The following AVEN variants were observed in gnomAD, a reference collection of about 807,000 sequenced individuals.
AVEN encodes the protein apoptosis and caspase activation inhibitor, also known as cell death regulator Aven.
AVEN carries 41 observed loss-of-function variants against 38.1 expected under a neutral mutation model. That is an observed-to-expected ratio of 1.08 (90% confidence interval 0.84 to 1.40). The LOEUF (loss-of-function observed/expected upper bound fraction) is 1.40, where lower values mean the gene tolerates loss of function less well. AVEN is among the 40% of genes most tolerant of loss of function. The pLI is 0.00. For synonymous variants in AVEN, 206 were observed against 171.8 expected (o/e 1.20, Z -1.56); for missense variants, 605 against 438.8 (o/e 1.38, Z -3.38).
At chr15:34,020,708 A>C (rs1023507247) in intron 1 of AVEN, among the ~76,000 whole-genome samples, 1 of 152,220 alleles carries the variant, frequency 6.6e-6, no homozygotes, top group Non-Finnish European at 1.5e-5. Flanking sequence ...CCTTGACTGA[A>C]TTACGACCTT....
In AVEN at chr15:34,064,305, A is replaced by C. The variant is rs763340823; in HGVS notation, n.1127-873T>G. The C allele has an allele frequency of 1.9e-6, 3 of 1,612,076 alleles. No homozygotes were observed. The African/African-American group carries it at 4.0e-5, about 22-fold the overall frequency. On this transcript the variant is annotated intron_variant and non_coding_transcript_variant, in intron 4 of 11. Transcript: ENST00000675287. Reference sequence around the variant, plus strand: ...GAAGTTGTACTGGCAGGGGAACAGCAAGCTACCCTGAAAAGTCAACAACTC... The same window carrying C: ...GAAGTTGTACTGGCAGGGGAACAGCCAGCTACCCTGAAAAGTCAACAACTC...
chr15:33,879,851 G>A (rs994966117), intron 2 of AVEN, among the ~76,000 whole-genome samples: 2 of 152,074 alleles, frequency 1.3e-5, no homozygotes, highest in African/African-American at 4.8e-5. Flanking sequence ...TCTGTATTAT[G>A]TAATGTCTAT....
intron 2 of AVEN, among the ~76,000 whole-genome samples, chr15:33,978,436 G>T (rs1039272602): frequency 2.6e-5 from 4 of 152,154 alleles, no homozygotes; most frequent in African/African-American, 9.7e-5. Context: ...GCCCGAGGTG[G>T]GAGGATCACC....
chr15:33,862,694 T>C (rs902824051), downstream of AVEN, among the ~76,000 whole-genome samples: 1 of 151,632 alleles, frequency 6.6e-6, no homozygotes, highest in Non-Finnish European at 1.5e-5. Flanking sequence ...CACTGTAGCC[T>C]CCACCTCCTG....
chr15:33,859,566 C>A, intron 11 of AVEN: 2 of 1,612,748 alleles, frequency 1.2e-6, no homozygotes, highest in Non-Finnish European at 1.7e-6. Context: ...CCTTATTTTT[C>A]TTCTCTAGTG....
chr15:34,040,303 A>G (rs1899415744), upstream of AVEN, among the ~76,000 whole-genome samples: 1 of 152,198 alleles, frequency 6.6e-6, no homozygotes, highest in Non-Finnish European at 1.5e-5. Context: ...TCCAAAGAAG[A>G]AAAGTTAAAT....
At chr15:33,858,035 C>T, downstream of AVEN, 1 of 1,274,264 alleles carries the variant, frequency 7.8e-7, no homozygotes, top group Non-Finnish European at 1.1e-6. Flanking sequence ...AGTTACAGAG[C>T]ACAGCAGAGA....
intron 2 of AVEN, among the ~76,000 whole-genome samples, chr15:33,993,204 G>A (rs192800632): frequency 2.6e-5 from 4 of 152,132 alleles, no homozygotes; most frequent in South Asian, 2.1e-4. Flanking sequence ...TACTTTTTAC[G>A]TTTGAAGGTA....
Position 33,875,993 on chromosome 15 carries a change from C to A in AVEN, c.448G>T (p.Asp150Tyr). The change falls in exon 3 of 6, where the codon GAC becomes TAC. Residue 150 changes from aspartate to tyrosine, a missense_variant and splice_region_variant. Physicochemically the swap from Asp to Tyr is radical, Grantham distance 160. Transcript: ENST00000306730. ...GCAAACCGGAACTGTGAGAATGAGT[C>A]CCCTAGGAATAGGAAAAAAAAAAAA... is the stretch of plus-strand genomic sequence containing the variant. ...DFSVLLSSAG[D>Y]SFSQFRFAEE... is the part of the protein sequence containing the mutation. The A allele has an allele frequency of 6.2e-7, 1 of 1,611,332 alleles. No homozygotes were observed. The highest frequency in any genetic ancestry group is 8.5e-7 in the Non-Finnish European group (1 of 1,179,564).
chr15:33,857,377 TTTC>T (rs1382193745), downstream of AVEN, among the ~76,000 whole-genome samples: 5 of 151,580 alleles, frequency 3.3e-5, no homozygotes, highest in Non-Finnish European at 1.5e-5. Context: ...TCCAACTCCT[TTTC>T]TTCTAAGGAT....
chr15:34,044,518 A>T (rs1310981822), intron 5 of AVEN, among the ~76,000 whole-genome samples: 1 of 152,170 alleles, frequency 6.6e-6, no homozygotes, highest in Non-Finnish European at 1.5e-5. Context: ...GTACCTCCAG[A>T]TTCTCACATA....
At chr15:33,873,530 T>G (rs1419047746) in intron 3 of AVEN, among the ~76,000 whole-genome samples, 1 of 148,140 alleles carries the variant, frequency 6.8e-6, no homozygotes, top group Non-Finnish European at 1.5e-5. Flanking sequence ...ATATAATATA[T>G]ATTATATATA....
At chr15:34,040,805 T>A (rs1483861040), upstream of AVEN, among the ~76,000 whole-genome samples, 3 of 151,704 alleles carry the variant, frequency 2.0e-5, no homozygotes, top group Non-Finnish European at 1.5e-5. Flanking sequence ...ATAGTCCCAC[T>A]ACTTGGGAGG....
intron 2 of AVEN, among the ~76,000 whole-genome samples, chr15:33,992,515 T>C (rs1334650414): frequency 6.6e-6 from 1 of 152,260 alleles, no homozygotes; most frequent in East Asian, 1.9e-4. Flanking sequence ...AAAATTTTTT[T>C]AGCCCTGTCA....
At position 34,063,994 on chromosome 15, in the gene AVEN, T is replaced by G; in HGVS notation, n.1127-562A>C. On this transcript the variant is annotated intron_variant and non_coding_transcript_variant, in intron 4 of 11. Coordinates refer to the AVEN transcript ENST00000675287. The surrounding 1 kb of genome is among the most constrained non-coding windows in gnomAD (Gnocchi z 4.1). ...CTCAATCCCAACCCCAGCCATCAAATGACCAAACGAAAGAGAGTGGTCCTA... is the reference window on the plus strand; with the variant it reads ...CTCAATCCCAACCCCAGCCATCAAAGGACCAAACGAAAGAGAGTGGTCCTA... The G allele has an allele frequency of 6.2e-7, 1 of 1,614,164 alleles. No individual in the cohort carries two copies. Among genetic ancestry groups the G allele is most frequent in the Non-Finnish European group, 8.5e-7 (1 of 1,180,022 alleles).
chr15:33,865,242 G>T (rs372234513), downstream of AVEN: 89 of 1,551,790 alleles, frequency 5.7e-5, no homozygotes, highest in Non-Finnish European at 7.7e-5. Flanking sequence ...AATCAAAGAA[G>T]CGCGACAATT....
intron 2 of AVEN, among the ~76,000 whole-genome samples, chr15:33,971,667 A>G (rs1187860295): frequency 6.6e-6 from 1 of 152,114 alleles, no homozygotes; most frequent in African/African-American, 2.4e-5. Context: ...CATTAAATAT[A>G]TATTTACTTA....
At chr15:33,929,426 G>C (rs1893754059) in intron 2 of AVEN, among the ~76,000 whole-genome samples, 1 of 152,284 alleles carries the variant, frequency 6.6e-6, no homozygotes, top group Admixed American at 6.5e-5. Flanking sequence ...CAACTGATAG[G>C]ACTAGGGCCA....
intron 2 of AVEN, among the ~76,000 whole-genome samples, chr15:33,886,914 G>C (rs988192167): frequency 6.6e-6 from 1 of 152,150 alleles, no homozygotes; most frequent in South Asian, 2.1e-4. Context: ...ATGAGAACCA[G>C]AGCTCCTGCT....
Sources: gnomAD v4.1 joint callset for allele counts (sites outside exome capture counted in the v4.1 genomes callset) on GRCh38, gnomAD v4.1.1 for gene constraint, Gnocchi (gnomAD v3.1) non-coding constraint, MANE v1.5 for transcripts, NCBI Gene and HGNC (gene_info 2026-07-23, HGNC 2026-07-21) for gene names.